Variants in TRPM3 observed in about 807,000 individuals in gnomAD.
TRPM3 encodes transient receptor potential cation channel subfamily M member 3.
TRPM3 carries 77 observed loss-of-function variants against 181.2 expected under a neutral mutation model. That is an observed-to-expected ratio of 0.42 (90% confidence interval 0.35 to 0.51). TRPM3 has a LOEUF of 0.51. TRPM3 is among the 20% of genes least tolerant of loss of function. The probability of loss-of-function intolerance (pLI) is 0.01; values close to 1 mark genes in which losing one functional copy is unlikely to be tolerated. For missense variants in TRPM3, 1,759 were observed against 2,196.7 expected (o/e 0.80, Z 3.98); for synonymous variants, 745 against 796.4 (o/e 0.94, Z 1.09).
intron 1 of TRPM3, among the ~76,000 whole-genome samples, chr9:71,096,590 ACTCTCT>A (rs71367255): frequency 2.6e-3 from 231 of 90,016 alleles, no homozygotes; most frequent in African/African-American, 6.7e-3. Context: ...ACACACACAC[ACTCTCT>A]CTCTCTCTCT....
At chr9:70,623,921 T>C (rs1038846032) in intron 14 of TRPM3, among the ~76,000 whole-genome samples, 29 of 152,160 alleles carry the variant, frequency 1.9e-4, no homozygotes, top group Non-Finnish European at 4.1e-4. Context: ...GCAGATGGAC[T>C]AAGGTTATGT....
At chr9:70,943,961 G>C (rs2096909373) in intron 1 of TRPM3, among the ~76,000 whole-genome samples, 1 of 152,090 alleles carries the variant, frequency 6.6e-6, no homozygotes, top group Non-Finnish European at 1.5e-5. Context: ...TGTATTTTTA[G>C]TAGAGACGGG....
chr9:70,917,150 G>T (rs2096605132), intron 1 of TRPM3: 1 of 1,605,800 alleles, frequency 6.2e-7, no homozygotes, highest in Non-Finnish European at 8.5e-7. Context: ...CACATCTGGG[G>T]CATACTGGTC....
At chr9:70,752,274 G>C (rs1352540035) in intron 8 of TRPM3, among the ~76,000 whole-genome samples, 3 of 152,142 alleles carry the variant, frequency 2.0e-5, no homozygotes, top group Non-Finnish European at 4.4e-5. Context: ...CTCATGTATA[G>C]GTGGAAACCT....
chr9:71,050,547 T>C (rs1443491012), intron 1 of TRPM3, among the ~76,000 whole-genome samples: 4 of 152,222 alleles, frequency 2.6e-5, no homozygotes, highest in Admixed American at 6.5e-5. Context: ...AGAAAAATTA[T>C]ATCTTATTTG....
chr9:70,567,138 A>C (rs2050816984), intron 22 of TRPM3, among the ~76,000 whole-genome samples: 1 of 152,178 alleles, frequency 6.6e-6, no homozygotes, highest in African/African-American at 2.4e-5. Context: ...TGCGGGAAAA[A>C]TCCTTCTGTT....
chr9:70,819,600 A>G (rs1358967091), intron 6 of TRPM3, among the ~76,000 whole-genome samples: 1 of 152,246 alleles, frequency 6.6e-6, no homozygotes, highest in Non-Finnish European at 1.5e-5. Flanking sequence ...TGAAAGTAGC[A>G]AAAGCACTGG....
At chr9:71,297,942 T>G (rs2086431491) in intron 1 of TRPM3, among the ~76,000 whole-genome samples, 1 of 152,280 alleles carries the variant, frequency 6.6e-6, no homozygotes, top group Non-Finnish European at 1.5e-5. Context: ...CTCAGCAGAC[T>G]TAAAGAGGTG....
At chr9:70,647,047 C>CA (rs2058976937) in intron 9 of TRPM3, among the ~76,000 whole-genome samples, 2 of 151,882 alleles carry the variant, frequency 1.3e-5, no homozygotes, top group Non-Finnish European at 2.9e-5. Context: ...GAATTAGTAA[C>CA]AAAAAATCTA....
At chr9:71,433,238 G>T (rs1300074737) in intron 1 of TRPM3, among the ~76,000 whole-genome samples, 1 of 152,072 alleles carries the variant, frequency 6.6e-6, no homozygotes, top group Non-Finnish European at 1.5e-5. Context: ...TTGAATTGTA[G>T]TTCCCATAAT....
intron 9 of TRPM3, among the ~76,000 whole-genome samples, chr9:70,670,921 G>T (rs2062792516): frequency 6.6e-6 from 1 of 152,112 alleles, no homozygotes; most frequent in Non-Finnish European, 1.5e-5. Flanking sequence ...TTTGTTTACT[G>T]GCTACAGCCA....
At chr9:71,019,228 CT>C (rs2097819667) in intron 1 of TRPM3, among the ~76,000 whole-genome samples, 1 of 151,790 alleles carries the variant, frequency 6.6e-6, no homozygotes, top group African/African-American at 2.4e-5. Context: ...GTTATCACCA[CT>C]TTTGTTCAAT....
chr9:70,903,530 G>T (rs2096416683), intron 1 of TRPM3, among the ~76,000 whole-genome samples: 2 of 151,956 alleles, frequency 1.3e-5, no homozygotes. Flanking sequence ...CCTGTAAAAA[G>T]AAGGGAATTA....
chr9:70,769,126 T>G (rs944752047), intron 7 of TRPM3, among the ~76,000 whole-genome samples: 3 of 152,184 alleles, frequency 2.0e-5, no homozygotes, highest in African/African-American at 7.2e-5. Flanking sequence ...GCATCCTTCT[T>G]AAACCCCTGC....
At chr9:71,105,668 A>G (rs913948864) in intron 1 of TRPM3, among the ~76,000 whole-genome samples, 3 of 152,160 alleles carry the variant, frequency 2.0e-5, no homozygotes, top group African/African-American at 7.2e-5. Context: ...GTTAGTTTGT[A>G]TATCAAAGCC....
chr9:70,585,126 T>C (rs2056837283), intron 22 of TRPM3, among the ~76,000 whole-genome samples: 1 of 152,368 alleles, frequency 6.6e-6, no homozygotes, highest in African/African-American at 2.4e-5. Flanking sequence ...TCTTGCCTAG[T>C]AAATGCTTTG....
In TRPM3 at chr9:71,019,418, A is replaced by G. The variant is rs1306017733; in HGVS notation, c.177+101760T>C. 2.0e-5 allele frequency among the ~76,000 whole-genome samples: 3 copies of G among 152,116 alleles called. No individual in the cohort carries two copies. In the East Asian group the frequency reaches 5.8e-4, roughly 29 times the overall value. ...GCTAAGGTCATTATCTAAAAGGTCA[A>G]TATATAAAAATCACTTTATTTCTGT... On this transcript the variant is annotated intron_variant, in intron 1 of 25. Coordinates refer to ENST00000677713, the MANE Select transcript of TRPM3 (RefSeq NM_001366145.2).
chr9:71,055,551 A>G (rs1417832771), intron 1 of TRPM3, among the ~76,000 whole-genome samples: 1 of 152,042 alleles, frequency 6.6e-6, no homozygotes, highest in African/African-American at 2.4e-5. Context: ...ATCATGTCTT[A>G]TATTCAATTG....
intron 6 of TRPM3, among the ~76,000 whole-genome samples, chr9:70,820,053 A>C (rs2093035524): frequency 6.6e-6 from 1 of 152,170 alleles, no homozygotes. Flanking sequence ...TACACCTCCA[A>C]CAAGTCGAGT....
Sources: gnomAD v4.1 joint callset for allele counts (sites outside exome capture counted in the v4.1 genomes callset) on GRCh38, gnomAD v4.1.1 for gene constraint, MANE v1.5 for transcripts, NCBI Gene and HGNC (gene_info 2026-07-23, HGNC 2026-07-21) for gene names.